The following KIFAP3 variants were observed in gnomAD, a reference collection of about 807,000 sequenced individuals.
KIFAP3 encodes kinesin-associated protein 3.
In KIFAP3, 68 loss-of-function variants were observed where a neutral mutation model predicts 106.5. That is an observed-to-expected ratio of 0.64 (90% confidence interval 0.53 to 0.78). The LOEUF (loss-of-function observed/expected upper bound fraction) is 0.78. Among genes scored for constraint, KIFAP3 ranks in the 30% least tolerant of loss-of-function variants. The pLI is 0.00. For synonymous variants in KIFAP3, 320 were observed against 311.5 expected (o/e 1.03, Z -0.29); for missense variants, 780 against 941.8 (o/e 0.83, Z 2.25).
rs1046215380 is a variant in KIFAP3, at chr1:170,016,358, A to G, written c.1183+104T>C. On this transcript the variant is annotated intron_variant, in intron 10 of 19. Coordinates refer to ENST00000361580, the MANE Select transcript of KIFAP3 (RefSeq NM_014970.4). ...TATTTAGTTTCCAGTCAAAGAATAT[A>G]GACAGAATGCTTTTTGTTCAGGAGG... The G allele has an allele frequency of 1.2e-5, 10 of 845,326 alleles. No individual in the cohort carries two copies. The African/African-American group carries it at 1.8e-4, about 15-fold the overall frequency. 52.4% of individuals were successfully genotyped at this position (845,326 alleles called of 1,614,324 possible).
At chr1:170,006,474 G>A (rs1667967344) in intron 10 of KIFAP3, among the ~76,000 whole-genome samples, 1 of 152,134 alleles carries the variant, frequency 6.6e-6, no homozygotes. Context: ...GTGGATAGGG[G>A]AGGTGGGTGG....
Position 170,016,570 on chromosome 1 carries a change from C to T in KIFAP3, c.1075G>A (p.Asp359Asn). The change falls in exon 10 of 20, where the codon GAC becomes AAC. Residue 359 changes from aspartate (D) to asparagine (N), a missense_variant. Physicochemically the swap from Asp to Asn is conservative, Grantham distance 23. Coordinates refer to ENST00000361580, the MANE Select transcript of KIFAP3 (RefSeq NM_014970.4). ...AGTCGGAGGGTGATATTCAGCAGGT[C>T]TTCATGCTCACAAGGTATCATTTTC... Reference protein sequence around the residue: ...LVKMIPCEHEDLLNITLRLLL... With the variant: ...LVKMIPCEHENLLNITLRLLL... The T allele has an allele frequency of 6.2e-7, 1 of 1,605,784 alleles. No homozygotes were observed. The highest frequency in any genetic ancestry group is 1.3e-5 in the African/African-American group (1 of 74,492).
At chr1:170,068,308 C>T (rs753201006) in intron 1 of KIFAP3, 2 of 151,854 alleles carry the variant, frequency 1.3e-5, no homozygotes, top group Non-Finnish European at 2.9e-5. Context: ...AAAAAGAAAC[C>T]AGTGCAAATA....
chr1:170,001,232 G>C (rs541160339), intron 10 of KIFAP3, among the ~76,000 whole-genome samples: 3 of 152,104 alleles, frequency 2.0e-5, no homozygotes, highest in Non-Finnish European at 4.4e-5. Context: ...AAATGATAAG[G>C]ATCAAAATAA....
chr1:170,065,236 A>G (rs1487520953), intron 1 of KIFAP3, among the ~76,000 whole-genome samples: 2 of 152,182 alleles, frequency 1.3e-5, no homozygotes, highest in Non-Finnish European at 2.9e-5. Flanking sequence ...CCCATTTACC[A>G]TTAACTTACC....
chr1:169,921,828 T>C, intron 19 of KIFAP3, 47 bp from the exon 20 acceptor site: 11 of 1,376,092 alleles, frequency 8.0e-6, no homozygotes, highest in Non-Finnish European at 1.1e-5. Flanking sequence ...TCATCACACA[T>C]CCACAATGCA....
chr1:169,972,704 T>C, intron 16 of KIFAP3, 106 bp from the exon 17 acceptor site: 5 of 529,272 alleles, frequency 9.4e-6, no homozygotes, highest in Non-Finnish European at 1.6e-5. Flanking sequence ...AATGGAAATA[T>C]AACCCAAATT....
intron 19 of KIFAP3, among the ~76,000 whole-genome samples, chr1:169,931,546 C>A (rs1663479624): frequency 6.6e-6 from 1 of 152,128 alleles, no homozygotes; most frequent in South Asian, 2.1e-4. Flanking sequence ...AGCACAAGGA[C>A]TTCTTGAAAT....
At chr1:169,980,877 G>A (rs545583815) in intron 15 of KIFAP3, among the ~76,000 whole-genome samples, 74 of 152,206 alleles carry the variant, frequency 4.9e-4, no homozygotes, top group Non-Finnish European at 6.2e-4. Flanking sequence ...CGAGGTGGGC[G>A]GATCACCTGA....
At chr1:170,003,119 T>C (rs1241498746) in intron 10 of KIFAP3, among the ~76,000 whole-genome samples, 1 of 152,150 alleles carries the variant, frequency 6.6e-6, no homozygotes, top group African/African-American at 2.4e-5. Flanking sequence ...AAACAAAAGA[T>C]ATATAAAATA....
chr1:170,015,794 A>G (rs1255150717), intron 10 of KIFAP3, among the ~76,000 whole-genome samples: 1 of 152,218 alleles, frequency 6.6e-6, no homozygotes, highest in African/African-American at 2.4e-5. Context: ...ACGCCCTACT[A>G]AGAAAGTTAG....
chr1:170,005,263 T>C (rs1243618050), intron 10 of KIFAP3, among the ~76,000 whole-genome samples: 1 of 152,214 alleles, frequency 6.6e-6, no homozygotes, highest in African/African-American at 2.4e-5. Flanking sequence ...TTGGTGGGAC[T>C]GTAAACTAGT....
In KIFAP3 at chr1:170,041,295, T is replaced by C. The variant is rs181057032; in HGVS notation, c.320-2007A>G. On this transcript the variant is annotated intron_variant, in intron 3 of 19. Coordinates refer to ENST00000361580, the MANE Select transcript of KIFAP3 (RefSeq NM_014970.4). ...AATTTGAAAAAATTCCAAACAAAAT[T>C]TTCTTTTTTTTTCCTACTTAGTCCA... 6.4e-4 allele frequency among the ~76,000 whole-genome samples: 98 copies of C among 152,258 alleles called. 1 individual carries two copies. Among genetic ancestry groups the C allele is most frequent in the African/African-American group, 2.3e-3 (97 of 41,540 alleles).
At chr1:169,964,838 T>C (rs1050529297) in intron 17 of KIFAP3, among the ~76,000 whole-genome samples, 1 of 152,210 alleles carries the variant, frequency 6.6e-6, no homozygotes, top group African/African-American at 2.4e-5. Context: ...CTCTTTAAGA[T>C]TCATATAACT....
chr1:169,923,205 A>G (rs1044795317), intron 19 of KIFAP3: 1 of 395,280 alleles, frequency 2.5e-6, no homozygotes, highest in African/African-American at 2.2e-5. Context: ...AGTTTCTCAA[A>G]GTTGGTTGAA....
intron 9 of KIFAP3, among the ~76,000 whole-genome samples, chr1:170,022,354 T>C (rs1668883997): frequency 6.6e-6 from 1 of 152,258 alleles, no homozygotes; most frequent in South Asian, 2.1e-4. Flanking sequence ...TGTTTCAGCC[T>C]TTAGTTGCAC....
intron 19 of KIFAP3, 129 bp downstream of exon 19, chr1:169,953,882 C>G: frequency 1.4e-6 from 1 of 699,882 alleles, no homozygotes; most frequent in East Asian, 2.5e-5. Flanking sequence ...AACAAACATG[C>G]CCTTGAAAAG....
chr1:169,990,981 TTAAAA>T (rs1347263629), intron 11 of KIFAP3, among the ~76,000 whole-genome samples: 1 of 151,980 alleles, frequency 6.6e-6, no homozygotes, highest in African/African-American at 2.4e-5. Flanking sequence ...TAACATAAAA[TTAAAA>T]TAGTTATTAT....
intron 1 of KIFAP3, among the ~76,000 whole-genome samples, chr1:170,073,539 A>G (rs563505992): frequency 6.6e-6 from 1 of 152,304 alleles, no homozygotes; most frequent in East Asian, 1.9e-4. Context: ...AAAGTATTTC[A>G]TCTTTCGTCC....
Sources: allele counts gnomAD v4.1 joint callset (sites outside exome capture counted in the v4.1 genomes callset), GRCh38; gene constraint gnomAD v4.1.1; transcripts MANE v1.5; gene names NCBI Gene and HGNC (gene_info 2026-07-23, HGNC 2026-07-21).